TMEM178B: variants seen among roughly 807,000 people sequenced by gnomAD.
TMEM178B encodes transmembrane protein 178B.
A neutral mutation model predicts 31.0 loss-of-function variants in TMEM178B; 5 were observed. The ratio of observed to expected loss-of-function variants is 0.16; its 90% CI spans 0.08 to 0.34. The LOEUF is 0.34. Ranked by LOEUF, TMEM178B falls within the 10% of genes least tolerant of loss-of-function variation. The pLI, the probability that TMEM178B is intolerant of heterozygous loss-of-function variation, is 1.00. For missense variants in TMEM178B, 275 were observed against 400.3 expected (o/e 0.69, Z 2.67); for synonymous variants, 164 against 164.0 (o/e 1.00, Z 0.00).
the TMEM178B span, among the ~76,000 whole-genome samples, chr7:141,492,669 T>C: frequency 6.6e-6 from 1 of 152,206 alleles, no homozygotes; most frequent in African/African-American, 2.4e-5. Flanking sequence ...TTCTGCTTGT[T>C]CCTTCCACCT....
intron 2 of TMEM178B, among the ~76,000 whole-genome samples, chr7:141,289,949 C>G (rs1798518086): frequency 6.6e-6 from 1 of 151,988 alleles, no homozygotes; most frequent in Admixed American, 6.6e-5. Context: ...AGAGACCAGC[C>G]TGGGCAACAT....
chr7:141,288,991 A>C (rs1798497014), intron 2 of TMEM178B, among the ~76,000 whole-genome samples: 1 of 152,150 alleles, frequency 6.6e-6, no homozygotes, highest in African/African-American at 2.4e-5. Flanking sequence ...GGCTCAATGC[A>C]TTCAAAGATA....
intron 2 of TMEM178B, among the ~76,000 whole-genome samples, chr7:141,299,767 G>A (rs1340640112): frequency 1.3e-5 from 2 of 152,210 alleles, no homozygotes; most frequent in African/African-American, 4.8e-5. Context: ...AGTTCTGTGA[G>A]GTCCACAGAG....
At chr7:141,340,009 C>T (rs181497962) in intron 2 of TMEM178B, among the ~76,000 whole-genome samples, 2 of 152,206 alleles carry the variant, frequency 1.3e-5, no homozygotes, top group Non-Finnish European at 2.9e-5. Context: ...AGAATAATGA[C>T]CCTCTGTCAA....
At chr7:141,255,772 C>A (rs541034316) in intron 2 of TMEM178B, among the ~76,000 whole-genome samples, 2 of 152,094 alleles carry the variant, frequency 1.3e-5, no homozygotes, top group African/African-American at 4.8e-5. Flanking sequence ...CCAGGCTGGT[C>A]TCAAACTCTT....
At chr7:141,374,693 T>C (rs982826274) in intron 2 of TMEM178B, among the ~76,000 whole-genome samples, 1 of 152,244 alleles carries the variant, frequency 6.6e-6, no homozygotes, top group African/African-American at 2.4e-5. Flanking sequence ...GGGACTTCCT[T>C]TCTCAAACCT....
chr7:141,417,826 C>A (rs781546523), intron 2 of TMEM178B, among the ~76,000 whole-genome samples: 3 of 152,162 alleles, frequency 2.0e-5, no homozygotes, highest in Non-Finnish European at 4.4e-5. Flanking sequence ...AAGTATAATT[C>A]TCATAACAAT....
At chr7:141,418,916 T>TATTC (rs1429362376) in intron 2 of TMEM178B, among the ~76,000 whole-genome samples, 2 of 151,930 alleles carry the variant, frequency 1.3e-5, no homozygotes, top group Non-Finnish European at 2.9e-5. Context: ...TTTATTTATT[T>TATTC]ATTTATTTTT....
At chr7:141,324,661 C>G (rs920742512) in intron 2 of TMEM178B, among the ~76,000 whole-genome samples, 2 of 151,816 alleles carry the variant, frequency 1.3e-5, no homozygotes, top group Admixed American at 1.3e-4. Context: ...AGAAATGCAA[C>G]TGTTAGATTT....
chr7:141,128,944 C>T (rs1795551019), intron 1 of TMEM178B, among the ~76,000 whole-genome samples: 1 of 152,012 alleles, frequency 6.6e-6, no homozygotes, highest in Non-Finnish European at 1.5e-5. Flanking sequence ...ACCCATATTG[C>T]TCCTCAGAAG....
intron 1 of TMEM178B, among the ~76,000 whole-genome samples, chr7:141,127,228 C>A (rs372109213): frequency 3.3e-5 from 5 of 152,238 alleles, no homozygotes; most frequent in South Asian, 4.1e-4. Flanking sequence ...CTCGGATAGA[C>A]CTTTTGAGTT....
intron 2 of TMEM178B, among the ~76,000 whole-genome samples, chr7:141,367,500 C>T (rs928724871): frequency 6.6e-6 from 1 of 152,100 alleles, no homozygotes; most frequent in Non-Finnish European, 1.5e-5. Context: ...GTCTGGAACT[C>T]CAGACCTCAT....
intron 1 of TMEM178B, among the ~76,000 whole-genome samples, chr7:141,116,212 A>G (rs1586778075): frequency 6.6e-6 from 1 of 152,168 alleles, no homozygotes; most frequent in Non-Finnish European, 1.5e-5. Context: ...CTCATTAGCC[A>G]GAGACAATTT....
intron 1 of TMEM178B, among the ~76,000 whole-genome samples, chr7:141,183,538 A>G (rs958844694): frequency 6.6e-6 from 1 of 152,222 alleles, no homozygotes; most frequent in Non-Finnish European, 1.5e-5. Context: ...ACCTATTTAT[A>G]TCCTAAACAC....
In TMEM178B at chr7:141,330,908, C is replaced by G. The variant is rs539400248; in HGVS notation, c.497-106700C>G. 4.7e-4 allele frequency among the ~76,000 whole-genome samples: 71 copies of G among 152,264 alleles called. 1 individual carries two copies. Among genetic ancestry groups the G allele is most frequent in the South Asian group, 2.3e-3 (11 of 4,816 alleles). ...AGCAGTGGAGGTCATGAGAGGTAGT[C>G]AAATTCTGCCTTTAATTTGAAGGTT... is the stretch of plus-strand genomic sequence containing the variant. On this transcript the variant is annotated intron_variant, in intron 2 of 3. Coordinates refer to ENST00000565468, the MANE Select transcript of TMEM178B (RefSeq NM_001195278.2).
intron 1 of TMEM178B, among the ~76,000 whole-genome samples, chr7:141,077,481 A>G (rs1320272508): frequency 6.6e-5 from 10 of 152,250 alleles, no homozygotes; most frequent in Non-Finnish European, 1.5e-4. Flanking sequence ...GAAAACGAAC[A>G]TCAAATCTAT....
chr7:141,185,013 A>G (rs1302099154), intron 1 of TMEM178B, among the ~76,000 whole-genome samples: 1 of 152,190 alleles, frequency 6.6e-6, no homozygotes, highest in African/African-American at 2.4e-5. Flanking sequence ...TGAAACGGGA[A>G]AAGTTCCCTT....
At chr7:141,194,906 A>T (rs1195895545) in intron 1 of TMEM178B, among the ~76,000 whole-genome samples, 1 of 152,160 alleles carries the variant, frequency 6.6e-6, no homozygotes, top group Non-Finnish European at 1.5e-5. Flanking sequence ...GCTCAACACC[A>T]CGTGGAAGCT....
chr7:141,434,624 A>T (rs10266527), intron 2 of TMEM178B, among the ~76,000 whole-genome samples: 52,428 of 152,080 alleles, frequency 0.34, 9,314 homozygotes, highest in South Asian at 0.47. Context: ...TTTCTTGGTG[A>T]TGGAAACATT....
Sources: allele counts gnomAD v4.1 joint callset (sites outside exome capture counted in the v4.1 genomes callset), GRCh38; gene constraint gnomAD v4.1.1; transcripts MANE v1.5; gene names NCBI Gene and HGNC (gene_info 2026-07-23, HGNC 2026-07-21).